The following PLPP4 variants were observed in gnomAD, a reference collection of about 807,000 sequenced individuals.
PLPP4 encodes phospholipid phosphatase 4.
A neutral mutation model predicts 32.2 loss-of-function variants in PLPP4; 20 were observed. The observed-to-expected ratio is 0.62, with a 90% CI of 0.44 to 0.90. The LOEUF is 0.90. Ranked by LOEUF, PLPP4 falls within the 40% of genes least tolerant of loss-of-function variation. The probability of loss-of-function intolerance (pLI) is 0.00; values close to 1 mark genes in which losing one functional copy is unlikely to be tolerated. For synonymous variants in PLPP4, 127 were observed against 133.0 expected, an observed-to-expected ratio of 0.95 and a Z score of 0.31; for missense variants, 257 against 353.1, an observed-to-expected ratio of 0.73 and a Z score of 2.18.
intron 5 of PLPP4, among the ~76,000 whole-genome samples, chr10:120,542,461 G>A (rs1217495221): frequency 2.6e-5 from 4 of 152,218 alleles, no homozygotes; most frequent in Non-Finnish European, 5.9e-5. Flanking sequence ...TAGGATAGTT[G>A]TCCTAAAAAG....
At chr10:120,530,359 T>A (rs1353279606) in intron 5 of PLPP4, among the ~76,000 whole-genome samples, 4 of 152,252 alleles carry the variant, frequency 2.6e-5, no homozygotes, top group Admixed American at 2.0e-4. Flanking sequence ...TTGTCTTTTT[T>A]AAACTTTAGA....
intron 1 of PLPP4, among the ~76,000 whole-genome samples, chr10:120,473,301 T>C (rs1025893109): frequency 2.0e-5 from 3 of 152,276 alleles, no homozygotes; most frequent in South Asian, 4.1e-4. Flanking sequence ...GGCAAATCTA[T>C]CTTGTTTTTT....
chr10:120,539,837 T>C (rs1166851108), intron 5 of PLPP4, among the ~76,000 whole-genome samples: 2 of 152,094 alleles, frequency 1.3e-5, no homozygotes, highest in Non-Finnish European at 2.9e-5. Context: ...TTTGCTTTCC[T>C]TATATACATT....
intron 1 of PLPP4, among the ~76,000 whole-genome samples, chr10:120,481,398 A>T (rs1415859503): frequency 6.6e-6 from 1 of 152,218 alleles, no homozygotes; most frequent in Non-Finnish European, 1.5e-5. Flanking sequence ...CTAGAATGGA[A>T]AGGGTTTAAA....
At chr10:120,457,629 C>T (rs1847850718) in intron 1 of PLPP4, among the ~76,000 whole-genome samples, 2 of 152,292 alleles carry the variant, frequency 1.3e-5, no homozygotes, top group East Asian at 3.9e-4. Flanking sequence ...TGTCGCCAGC[C>T]CCGCACCACC....
intron 1 of PLPP4, 102 bp downstream of exon 1, chr10:120,457,463 G>T (rs1847839441): frequency 9.2e-7 from 1 of 1,090,616 alleles, no homozygotes; most frequent in East Asian, 3.2e-5. Context: ...TTCCCACTGG[G>T]GCCTGGGTTC....
rs1564851124 is a variant in PLPP4 at position 120,575,170 on chromosome 10, CG to C, written c.488del (p.Gly163AlafsTer28). 3.7e-6 allele frequency: 6 copies of C among 1,613,652 alleles called. No homozygotes were observed. The highest frequency in any genetic ancestry group is 5.1e-6 in the Non-Finnish European group (6 of 1,179,922). ...CTTGGCTTCACGACGTTCTACTTGGCGGGCAAGCTGCACTGCTTCACCGAGA... is the reference window on the plus strand; with the variant it reads ...CTTGGCTTCACGACGTTCTACTTGGCGGCAAGCTGCACTGCTTCACCGAGA... ...SGLGFTTFYL[A>X]GKLHCFTESG... On this transcript the variant is annotated frameshift_variant, in exon 6 of 7. Transcript: ENST00000398250. LOFTEE classifies it high-confidence loss of function.
intron 6 of PLPP4, among the ~76,000 whole-genome samples, chr10:120,581,966 A>G (rs1010145919): frequency 7.2e-5 from 11 of 152,136 alleles, no homozygotes; most frequent in Non-Finnish European, 1.0e-4. Context: ...TCTTTGTTGC[A>G]CCTATTCAGT....
intron 3 of PLPP4, among the ~76,000 whole-genome samples, chr10:120,515,527 C>A (rs1407474580): frequency 2.0e-5 from 3 of 152,210 alleles, no homozygotes; most frequent in Non-Finnish European, 4.4e-5. Flanking sequence ...ATTTCTCCAG[C>A]CTGGACACAA....
At chr10:120,495,999 C>T (rs1844945705) in intron 1 of PLPP4, among the ~76,000 whole-genome samples, 1 of 152,156 alleles carries the variant, frequency 6.6e-6, no homozygotes, top group African/African-American at 2.4e-5. Flanking sequence ...TTTTTTCAAG[C>T]TACCCTGCCA....
chr10:120,465,853 T>A (rs1032752941), intron 1 of PLPP4, among the ~76,000 whole-genome samples: 7 of 152,196 alleles, frequency 4.6e-5, no homozygotes, highest in Non-Finnish European at 1.0e-4. Flanking sequence ...GACTTTTTTG[T>A]TGAATGTGTT....
At position 120,532,641 on chromosome 10, in the gene PLPP4, C is replaced by G. The variant is rs182847027; in HGVS notation, c.445+11546C>G. On this transcript the variant is annotated intron_variant, in intron 5 of 6. Transcript: ENST00000398250. ...TCCCTCCACCTCTCCCCACCCTTCT[C>G]TATCCCCAGACCTAAACAAACATTG... Among the ~76,000 whole-genome samples the G allele has an allele frequency of 2.1e-3, 327 of 152,276 alleles. 3 individuals carry two copies. Among genetic ancestry groups the G allele is most frequent in the African/African-American group, 7.3e-3 (304 of 41,546 alleles).
chr10:120,588,248 G>T (rs944557898), intron 6 of PLPP4, among the ~76,000 whole-genome samples: 5 of 152,224 alleles, frequency 3.3e-5, no homozygotes, highest in African/African-American at 1.2e-4. Flanking sequence ...AGCGAGAGTT[G>T]TTTATGTGAG....
intron 2 of PLPP4, among the ~76,000 whole-genome samples, chr10:120,509,347 C>T (rs1226970048): frequency 6.6e-6 from 1 of 152,222 alleles, no homozygotes; most frequent in East Asian, 1.9e-4. Flanking sequence ...GCTGAACTCA[C>T]CTCTCCTCAA....
At chr10:120,475,651 C>T (rs374019845) in intron 1 of PLPP4, among the ~76,000 whole-genome samples, 6 of 152,156 alleles carry the variant, frequency 3.9e-5, no homozygotes. Context: ...GGCCTTTGGG[C>T]GGTGTATTCT....
intron 5 of PLPP4, among the ~76,000 whole-genome samples, chr10:120,529,485 C>T (rs944171016): frequency 1.3e-5 from 2 of 152,126 alleles, no homozygotes; most frequent in South Asian, 4.2e-4. Flanking sequence ...TACTCTTTCT[C>T]AAAGAAATAG....
At chr10:120,563,400 T>G (rs2134017207) in intron 5 of PLPP4, among the ~76,000 whole-genome samples, 1 of 152,090 alleles carries the variant, frequency 6.6e-6, no homozygotes, top group South Asian at 2.1e-4. Flanking sequence ...TTGTAAAGAG[T>G]CTATGTGAGT....
intron 5 of PLPP4, among the ~76,000 whole-genome samples, chr10:120,523,871 T>C (rs990585874): frequency 6.6e-6 from 1 of 152,170 alleles, no homozygotes; most frequent in African/African-American, 2.4e-5. Flanking sequence ...ATAGCTGTCA[T>C]GTGAATATCT....
intron 5 of PLPP4, among the ~76,000 whole-genome samples, chr10:120,549,980 C>A (rs1461129593): frequency 1.3e-5 from 2 of 151,754 alleles, no homozygotes; most frequent in Non-Finnish European, 1.5e-5. Flanking sequence ...TAGTGGTGGT[C>A]CTAGTCAGTA....
Sources: gnomAD v4.1 joint callset for allele counts (sites outside exome capture counted in the v4.1 genomes callset) on GRCh38, gnomAD v4.1.1 for gene constraint, MANE v1.5 for transcripts, NCBI Gene and HGNC (gene_info 2026-07-23, HGNC 2026-07-21) for gene names.